ZFPM2: variants seen among roughly 807,000 people sequenced by gnomAD.
ZFPM2 encodes zinc finger protein, FOG family member 2.
In ZFPM2, 20 loss-of-function variants were observed where a neutral mutation model predicts 98.6. The ratio of observed to expected loss-of-function variants is 0.20; its 90% CI spans 0.14 to 0.29. The LOEUF is 0.29. Among genes scored for constraint, ZFPM2 ranks in the 10% least tolerant of loss-of-function variants. The pLI is 1.00. For missense variants in ZFPM2, 1,310 were observed against 1,388.6 expected (o/e 0.94, Z 0.90); for synonymous variants, 518 against 502.7 (o/e 1.03, Z -0.41).
intron 2 of ZFPM2, among the ~76,000 whole-genome samples, chr8:105,433,601 C>T (rs1812061895): frequency 6.6e-6 from 1 of 152,044 alleles, no homozygotes; most frequent in Non-Finnish European, 1.5e-5. Context: ...TCCTGGCTAA[C>T]ACAGTGAAAC....
At chr8:105,410,189 A>AT (rs1563646028) in intron 1 of ZFPM2, among the ~76,000 whole-genome samples, 1 of 151,862 alleles carries the variant, frequency 6.6e-6, no homozygotes, top group African/African-American at 2.4e-5. Flanking sequence ...CCGATGCTAA[A>AT]TTTTTTGTTG....
intron 6 of ZFPM2, among the ~76,000 whole-genome samples, chr8:105,791,627 T>C (rs1186937888): frequency 2.0e-5 from 3 of 152,246 alleles, no homozygotes; most frequent in East Asian, 1.9e-4. Context: ...GGAGGATTCT[T>C]TCTTTTTCTA....
intron 4 of ZFPM2, among the ~76,000 whole-genome samples, chr8:105,606,724 C>T (rs771009072): frequency 2.6e-5 from 4 of 151,884 alleles, no homozygotes; most frequent in Non-Finnish European, 5.9e-5. Context: ...CCCATGGGAC[C>T]GTGATATTGC....
chr8:105,494,228 A>ATATATAG (rs1813416920), intron 3 of ZFPM2, among the ~76,000 whole-genome samples: 2 of 78,602 alleles, frequency 2.5e-5, no homozygotes, highest in Non-Finnish European at 5.2e-5. Flanking sequence ...TATATATATA[A>ATATATAG]TCTCAAACTC....
rs1465047038 is a variant in ZFPM2, at chr8:105,797,439, C to T, written c.740-1285C>T. 2.6e-5 allele frequency among the ~76,000 whole-genome samples: 4 copies of T among 152,324 alleles called. No individual in the cohort carries two copies. The East Asian group carries it at 7.7e-4, about 29-fold the overall frequency. On this transcript the variant is annotated intron_variant, in intron 6 of 7. Coordinates refer to ENST00000407775, the MANE Select transcript of ZFPM2 (RefSeq NM_012082.4). Reference sequence around the variant, plus strand: ...CTACCTTCAAAACTAGACTCCACTGCTATGATTCTGATTATGCGATAATAT... The same window carrying T: ...CTACCTTCAAAACTAGACTCCACTGTTATGATTCTGATTATGCGATAATAT...
At chr8:105,698,338 T>G (rs1460229179) in intron 5 of ZFPM2, among the ~76,000 whole-genome samples, 3 of 152,202 alleles carry the variant, frequency 2.0e-5, no homozygotes. Context: ...TCATCCATGG[T>G]GAACACACTG....
chr8:105,665,409 T>A (rs1027410881), intron 5 of ZFPM2, among the ~76,000 whole-genome samples: 12 of 152,152 alleles, frequency 7.9e-5, no homozygotes, highest in African/African-American at 2.9e-4. Flanking sequence ...AAAATGATAA[T>A]TGTTGGATTT....
chr8:105,513,399 G>A (rs1435452152), intron 3 of ZFPM2, among the ~76,000 whole-genome samples: 5 of 152,108 alleles, frequency 3.3e-5, no homozygotes, highest in East Asian at 1.9e-4. Flanking sequence ...GATCCAAAGC[G>A]ATGCACATTT....
At chr8:105,460,187 G>A (rs564806277) in intron 3 of ZFPM2, among the ~76,000 whole-genome samples, 1 of 152,284 alleles carries the variant, frequency 6.6e-6, no homozygotes, top group Admixed American at 6.5e-5. Context: ...ATTTTCTTGT[G>A]CAGGAAAGGT....
At chr8:105,565,580 A>T (rs1166869250) in intron 4 of ZFPM2, among the ~76,000 whole-genome samples, 2 of 152,172 alleles carry the variant, frequency 1.3e-5, no homozygotes, top group Non-Finnish European at 2.9e-5. Context: ...TGATTCCATA[A>T]CACATGCTCC....
chr8:105,696,890 A>G (rs1056771942), intron 5 of ZFPM2, among the ~76,000 whole-genome samples: 9 of 152,160 alleles, frequency 5.9e-5, no homozygotes, highest in African/African-American at 2.2e-4. Context: ...GAAACTGATA[A>G]TCTCTAAATA....
intron 2 of ZFPM2, among the ~76,000 whole-genome samples, chr8:105,425,019 A>G (rs1811878468): frequency 6.6e-6 from 1 of 152,122 alleles, no homozygotes; most frequent in Non-Finnish European, 1.5e-5. Flanking sequence ...CTTGAGAGAA[A>G]GGAATGAGCT....
intron 5 of ZFPM2, among the ~76,000 whole-genome samples, chr8:105,703,136 A>G (rs1258145156): frequency 6.6e-6 from 1 of 152,190 alleles, no homozygotes; most frequent in African/African-American, 2.4e-5. Flanking sequence ...GTAAGAACCA[A>G]TGAGAATGAC....
At chr8:105,495,022 CA>C (rs1334347218) in intron 3 of ZFPM2, among the ~76,000 whole-genome samples, 2 of 152,080 alleles carry the variant, frequency 1.3e-5, no homozygotes, top group Non-Finnish European at 2.9e-5. Flanking sequence ...ACTATTTAAA[CA>C]TATAAAAACT....
intron 3 of ZFPM2, among the ~76,000 whole-genome samples, chr8:105,526,247 T>C (rs1180415497): frequency 6.6e-6 from 1 of 152,152 alleles, no homozygotes; most frequent in African/African-American, 2.4e-5. Context: ...CAAATTAATA[T>C]ACAAAATCAT....
At chr8:105,668,746 GT>G (rs1817532495) in intron 5 of ZFPM2, among the ~76,000 whole-genome samples, 3 of 152,092 alleles carry the variant, frequency 2.0e-5, no homozygotes, top group Non-Finnish European at 4.4e-5. Flanking sequence ...AGAATGTGTT[GT>G]TTCATTTTCT....
chr8:105,533,024 TTGAA>T (rs1241943653), intron 3 of ZFPM2, among the ~76,000 whole-genome samples: 4 of 152,066 alleles, frequency 2.6e-5, no homozygotes, highest in African/African-American at 9.7e-5. Context: ...TCTAGAAAAT[TTGAA>T]TGCGTAGAAT....
intron 4 of ZFPM2, among the ~76,000 whole-genome samples, chr8:105,589,013 C>T (rs1815787153): frequency 6.6e-6 from 1 of 152,280 alleles, no homozygotes; most frequent in East Asian, 1.9e-4. Context: ...GTTTTAAAAC[C>T]TTTAGTAACT....
intron 5 of ZFPM2, among the ~76,000 whole-genome samples, chr8:105,750,590 T>C (rs1156498637): frequency 6.6e-6 from 1 of 152,050 alleles, no homozygotes; most frequent in Non-Finnish European, 1.5e-5. Context: ...CAATTTTCAG[T>C]GGGATACTTG....
Sources: allele counts gnomAD v4.1 joint callset (sites outside exome capture counted in the v4.1 genomes callset), GRCh38; gene constraint gnomAD v4.1.1; transcripts MANE v1.5; gene names NCBI Gene and HGNC (gene_info 2026-07-23, HGNC 2026-07-21).